Variants in HHIPL2 observed in about 807,000 individuals in gnomAD.
HHIPL2 encodes the protein HHIP-like protein 2.
HHIPL2 carries 61 observed loss-of-function variants against 61.0 expected under a neutral mutation model. The observed-to-expected ratio is 1.00, with a 90% confidence interval of 0.81 to 1.24. The LOEUF (loss-of-function observed/expected upper bound fraction) is 1.24. Ranked by LOEUF, HHIPL2 falls within the 50% of genes most tolerant of loss-of-function variation. The pLI is 0.00. For missense variants in HHIPL2, 885 were observed against 910.2 expected (o/e 0.97, Z 0.36); for synonymous variants, 343 against 357.4 (o/e 0.96, Z 0.45).
chr1:222,526,533 C>T (rs1189497833), intron 7 of HHIPL2, among the ~76,000 whole-genome samples: 3 of 151,906 alleles, frequency 2.0e-5, no homozygotes, highest in Non-Finnish European at 2.9e-5. Context: ...TGGAGAAACC[C>T]CATCTCTACT....
chr1:222,522,860 T>G lies in HHIPL2; in HGVS notation c.1916A>C (p.Gln639Pro). 1 of 1,614,194 alleles carries G rather than the reference T, an allele frequency of 6.2e-7. No individual in the cohort carries two copies. Among genetic ancestry groups the G allele is most frequent in the Non-Finnish European group, 8.5e-7 (1 of 1,180,032 alleles). ...AGATTTTCTAGCAGCTTTCTCTGAT[T>G]GTTCCTTTAGCAAGTCCAAGACTGT... ...AKTVLDLLKE[Q>P]SEKAARKSSS... Residue 639 changes from glutamine to proline, a missense_variant, in exon 9 of 9, where the codon CAA becomes CCA. By Grantham distance (76) the Gln-to-Pro change is moderately conservative. Transcript: ENST00000343410.
In HHIPL2 at chr1:222,527,054, A is replaced by G. The variant is rs1262297810; in HGVS notation, c.1724-4T>C. 6.2e-7 allele frequency: 1 copy of G among 1,610,988 alleles called. No individual in the cohort carries two copies. ...GTCGCCAGGAAATACAGCTCCCCTA[A>G]GGCAACAAAAATAGACAGGCAATAA... On this transcript the variant is annotated splice_region_variant and splice_polypyrimidine_tract_variant and intron_variant, in intron 6 of 8. Transcript: ENST00000343410.
At chr1:222,529,315 G>A (rs1281016097) in intron 6 of HHIPL2, among the ~76,000 whole-genome samples, 1 of 152,196 alleles carries the variant, frequency 6.6e-6, no homozygotes, top group Non-Finnish European at 1.5e-5. Context: ...CTCCTTTAGA[G>A]TCAGTTTGCT....
rs771099539 is a variant in HHIPL2, at chr1:222,540,295, C to A, written c.1165G>T (p.Gly389Cys). The change falls in exon 4 of 9, where the codon GGC becomes TGC. Residue 389 changes from glycine (G) to cysteine (C), a missense_variant. Transcript: ENST00000343410. ...ACTCGGTACCGCTTGCCATGTGAGC[C>A]TGCCCTGTTCACATCGATCCTTAAA... is the stretch of plus-strand genomic sequence containing the variant. Reference protein sequence around the residue: ...KVLRIDVNRAGSHGKRYRVPS... With the variant: ...KVLRIDVNRACSHGKRYRVPS... The A allele has an allele frequency of 1.9e-6, 3 of 1,613,868 alleles. No homozygotes were observed. Among genetic ancestry groups the A allele is most frequent in the Non-Finnish European group, 2.5e-6 (3 of 1,179,884 alleles).
chr1:222,523,836 T>C, intron 7 of HHIPL2, 142 bp from the exon 8 acceptor site: 1 of 724,634 alleles, frequency 1.4e-6, no homozygotes, highest in Non-Finnish European at 2.4e-6. Flanking sequence ...TAACAGGAAA[T>C]ATGCTATGAG....
intron 1 of HHIPL2, 41 bp downstream of exon 1, chr1:222,547,683 C>T: frequency 6.4e-7 from 1 of 1,561,722 alleles, no homozygotes; most frequent in Non-Finnish European, 8.8e-7. Flanking sequence ...CCATGCAGCC[C>T]AGCACCCAAA....
In HHIPL2 at chr1:222,522,611, C is replaced by A. The variant is rs1481847246; in HGVS notation, c.2165G>T (p.Ser722Ile). 1 of 1,612,720 alleles carries A rather than the reference C, an allele frequency of 6.2e-7. No homozygotes were observed. The highest frequency in any genetic ancestry group is 2.2e-5 in the East Asian group (1 of 44,892). Residue 722 changes from serine to isoleucine, a missense_variant, in exon 9 of 9, where the codon AGT (serine) becomes ATT (isoleucine). Transcript: ENST00000343410. ...ACCTTGACCAATAGGTCAAGGGAGA[C>A]TTCTGCCAGCTCGCTTCTGCTCTGC... is the stretch of plus-strand genomic sequence containing the variant. ...PSAEQKRAGR[S>I]LP
At position 222,547,138 on chromosome 1, in the gene HHIPL2, G is replaced by T. The variant is rs148197949; in HGVS notation, c.321+586C>A. Among the ~76,000 whole-genome samples the T allele has an allele frequency of 3.3e-5, 5 of 152,302 alleles. No homozygotes were observed. In the East Asian group the frequency reaches 9.7e-4, roughly 29 times the overall value. On this transcript the variant is annotated intron_variant, in intron 1 of 8. Coordinates refer to ENST00000343410, the MANE Select transcript of HHIPL2 (RefSeq NM_024746.4). Reference sequence around the variant, plus strand: ...TGGATTTTGGCTGTTGGGCAACCAGGAGAAGCAGAAACTCTGTGAGTCACT... The same window carrying T: ...TGGATTTTGGCTGTTGGGCAACCAGTAGAAGCAGAAACTCTGTGAGTCACT...
intron 7 of HHIPL2, chr1:222,525,260 T>C (rs1347936775): frequency 6.6e-6 from 1 of 152,124 alleles, no homozygotes; most frequent in Non-Finnish European, 1.5e-5. Flanking sequence ...AGGAAGCCTG[T>C]TAATGGAAAG....
At chr1:222,533,098 C>T (rs1240352020) in intron 5 of HHIPL2, among the ~76,000 whole-genome samples, 1 of 152,190 alleles carries the variant, frequency 6.6e-6, no homozygotes, top group Non-Finnish European at 1.5e-5. Context: ...GGTGCAGTGG[C>T]TTATGCCTGT....
chr1:222,532,849 T>TA (rs34200468), intron 5 of HHIPL2, among the ~76,000 whole-genome samples: 62,848 of 151,896 alleles, frequency 0.41, 13,526 homozygotes, highest in African/African-American at 0.54. Flanking sequence ...TAGTAAGGGT[T>TA]AAAAAAACTA....
rs776105009 is a variant in HHIPL2 at position 222,522,742 on chromosome 1, T to C, written c.2034A>G (p.Thr678=). 10 of 1,613,984 alleles carry C rather than the reference T, an allele frequency of 6.2e-6. No individual in the cohort carries two copies. The Admixed American group carries it at 1.7e-4, about 27-fold the overall frequency. Reference sequence around the variant, plus strand: ...TCTTCTTTGTACCAGGCCCTCGCAATGTATTCTTGCTGCTTGTAGGAGAAG... The same window carrying C: ...TCTTCTTTGTACCAGGCCCTCGCAACGTATTCTTGCTGCTTGTAGGAGAAG... The part of the protein sequence containing the change: ...KLASPTSSKN[T]LRGPGTKKKA... Residue 678 remains threonine (T), a synonymous_variant, in exon 9 of 9, where the codon ACA becomes ACG. Transcript: ENST00000343410.
At chr1:222,529,104 G>A (rs1364456584) in intron 6 of HHIPL2, among the ~76,000 whole-genome samples, 1 of 152,148 alleles carries the variant, frequency 6.6e-6, no homozygotes, top group African/African-American at 2.4e-5. Context: ...TTACAGGCAT[G>A]AGCCACCACA....
intron 7 of HHIPL2, among the ~76,000 whole-genome samples, chr1:222,526,532 C>T (rs1659069941): frequency 6.6e-6 from 1 of 151,854 alleles, no homozygotes; most frequent in Admixed American, 6.6e-5. Flanking sequence ...ATGGAGAAAC[C>T]CCATCTCTAC....
At position 222,547,905 on chromosome 1, in the gene HHIPL2, T is replaced by G. The variant is rs1659591036; in HGVS notation, c.140A>C (p.Asp47Ala). ...AGGGGGCTGGAAAGGGGGCCCGTAATCCAGGCACTGGGGGTGTCCCTGCAG... is the reference window on the plus strand; with the variant it reads ...AGGGGGCTGGAAAGGGGGCCCGTAAGCCAGGCACTGGGGGTGTCCCTGCAG... Reference protein sequence around the residue: ...GLLQGHPQCLDYGPPFQPPLH... With the variant: ...GLLQGHPQCLAYGPPFQPPLH... Residue 47 changes from aspartate (D) to alanine (A), a missense_variant, in exon 1 of 9, where the codon GAT (aspartate) becomes GCT (alanine). Coordinates refer to ENST00000343410, the MANE Select transcript of HHIPL2 (RefSeq NM_024746.4). 1.9e-6 allele frequency: 3 copies of G among 1,614,046 alleles called. No individual in the cohort carries two copies. The East Asian group carries it at 6.7e-5, about 36-fold the overall frequency.
chr1:222,522,383 G>C lies in HHIPL2; in HGVS notation c.*218C>G. 1.7e-6 allele frequency: 1 copy of C among 585,372 alleles called. No homozygotes were observed. The highest frequency in any genetic ancestry group is 3.0e-6 in the Non-Finnish European group (1 of 330,142). The allele number at this position is 585,372 out of a possible 1,614,324, so 36.3% of individuals were successfully genotyped here. ...TGCTTACCATAACCCAGGTGCACCA[G>C]CAATCTGGGATATGGTCTCCCACAG... is the stretch of plus-strand genomic sequence containing the variant. On this transcript the variant is annotated 3_prime_UTR_variant, in exon 9 of 9. Transcript: ENST00000343410.
In HHIPL2 at chr1:222,523,608, T is replaced by C; in HGVS notation, c.1888+4A>G. The C allele has an allele frequency of 6.2e-7, 1 of 1,614,002 alleles. No homozygotes were observed. Among genetic ancestry groups the C allele is most frequent in the African/African-American group, 1.3e-5 (1 of 75,044 alleles). ...CTGAGCCTAAGACTCAAAGATGGACTCACTGGCGAGTGGTCTGAACGGGAT... is the reference window on the plus strand; with the variant it reads ...CTGAGCCTAAGACTCAAAGATGGACCCACTGGCGAGTGGTCTGAACGGGAT... On this transcript the variant is annotated splice_donor_region_variant and intron_variant, in intron 8 of 8. Transcript: ENST00000343410.
chr1:222,523,509 G>C (rs567030488), intron 8 of HHIPL2, 103 bp downstream of exon 8: 27 of 1,031,008 alleles, frequency 2.6e-5, no homozygotes, highest in Non-Finnish European at 3.4e-5. Context: ...TTTCCCTCAG[G>C]GGGTAACTAA....
At chr1:222,546,313 T>C (rs1191553898) in intron 1 of HHIPL2, among the ~76,000 whole-genome samples, 1 of 152,194 alleles carries the variant, frequency 6.6e-6, no homozygotes, top group Non-Finnish European at 1.5e-5. Context: ...GCCCCAGGAT[T>C]GTTTTACCTT....
Sources: gnomAD v4.1 joint callset for allele counts (sites outside exome capture counted in the v4.1 genomes callset) on GRCh38, gnomAD v4.1.1 for gene constraint, MANE v1.5 for transcripts, NCBI Gene and HGNC (gene_info 2026-07-23, HGNC 2026-07-21) for gene names.